C2orf80: variants seen among roughly 807,000 people sequenced by gnomAD.
The protein encoded by C2orf80 is chromosome 2 open reading frame 80.
In C2orf80, 28 loss-of-function variants were observed where a neutral mutation model predicts 30.2. That is an observed-to-expected ratio of 0.93 (90% CI 0.69 to 1.27). C2orf80 has a LOEUF of 1.27. Among genes scored for constraint, C2orf80 ranks in the 50% most tolerant of loss-of-function variants. The probability of loss-of-function intolerance (pLI) is 0.00; values close to 1 mark genes in which losing one functional copy is unlikely to be tolerated. For synonymous variants in C2orf80, 80 were observed against 76.4 expected (o/e 1.05, Z -0.24); for missense variants, 220 against 231.0 (o/e 0.95, Z 0.31).
chr2:208,180,047 C>CT (rs554516420), intron 6 of C2orf80, among the ~76,000 whole-genome samples: 1 of 151,370 alleles, frequency 6.6e-6, no homozygotes, highest in African/African-American at 2.4e-5. Flanking sequence ...GAGAATGAGC[C>CT]TTGTGGATCT....
chr2:208,168,386 G>C (rs1254944188), intron 8 of C2orf80: 1 of 322,396 alleles, frequency 3.1e-6, no homozygotes, highest in Non-Finnish European at 6.0e-6. Flanking sequence ...CATTACCCAA[G>C]AGTTGGGCCG....
At chr2:208,179,083 T>A (rs1696466675) in intron 6 of C2orf80, among the ~76,000 whole-genome samples, 1 of 152,122 alleles carries the variant, frequency 6.6e-6, no homozygotes, top group African/African-American at 2.4e-5. Context: ...TAAAAAGTTA[T>A]CTTGTCTGAC....
intron 6 of C2orf80, among the ~76,000 whole-genome samples, chr2:208,174,643 A>G (rs1696219368): frequency 6.6e-6 from 1 of 152,228 alleles, no homozygotes; most frequent in Non-Finnish European, 1.5e-5. Flanking sequence ...GAAATTGGGA[A>G]TCAGAGAGAA....
At position 208,172,023 on chromosome 2, in the gene C2orf80, G is replaced by A. The variant is rs759445868; in HGVS notation, c.419C>T (p.Thr140Ile). ...CLSLHPFAML[T>I]APKAAAYARK... ...GGCGTATGCTGCTGCTTTGGGTGCT[G>A]TTAACATGGCAAAGGGGTGCAAGGA... The change falls in exon 7 of 9, where the codon ACA becomes ATA. Residue 140 changes from threonine (T) to isoleucine (I), a missense_variant. Coordinates refer to ENST00000341287, the MANE Select transcript of C2orf80 (RefSeq NM_001099334.3). The A allele has an allele frequency of 1.9e-6, 3 of 1,614,014 alleles. No individual in the cohort carries two copies. The highest frequency in any genetic ancestry group is 2.5e-6 in the Non-Finnish European group (3 of 1,179,902).
At chr2:208,184,187 A>AC (rs1239462108) in intron 3 of C2orf80, among the ~76,000 whole-genome samples, 2 of 148,800 alleles carry the variant, frequency 1.3e-5, no homozygotes, top group Non-Finnish European at 3.0e-5. Flanking sequence ...CGCCCCCCTC[A>AC]CCCCCGCCCC....
intron 6 of C2orf80, among the ~76,000 whole-genome samples, chr2:208,175,026 T>TC (rs1195533452): frequency 1.3e-5 from 2 of 152,174 alleles, no homozygotes; most frequent in African/African-American, 4.8e-5. Flanking sequence ...CAGCCTGTAA[T>TC]CCCAGCTCTT....
intron 3 of C2orf80, among the ~76,000 whole-genome samples, chr2:208,183,691 G>T (rs1696632026): frequency 6.6e-6 from 1 of 152,172 alleles, no homozygotes; most frequent in Non-Finnish European, 1.5e-5. Flanking sequence ...TACAGATGGG[G>T]AAGGAAATCA....
intron 3 of C2orf80, 73 bp downstream of exon 3, chr2:208,184,878 A>C: frequency 7.9e-7 from 1 of 1,264,242 alleles, no homozygotes. Flanking sequence ...TATTGTATAA[A>C]TAAGATCCTT....
chr2:208,173,353 G>A (rs559002769), intron 6 of C2orf80, among the ~76,000 whole-genome samples: 60 of 152,174 alleles, frequency 3.9e-4, no homozygotes, highest in East Asian at 1.7e-3. Context: ...GGCTGGGTGT[G>A]GAGGCTCAAG....
At chr2:208,166,270 T>A (rs1190424801) in intron 8 of C2orf80, among the ~76,000 whole-genome samples, 1 of 152,008 alleles carries the variant, frequency 6.6e-6, no homozygotes, top group African/African-American at 2.4e-5. Context: ...CAGAAAAAAA[T>A]TATATATCTT....
At chr2:208,165,965 T>C (rs1695874797) in intron 8 of C2orf80, 150 bp from the exon 9 acceptor site, 2 of 556,244 alleles carry the variant, frequency 3.6e-6, no homozygotes, top group Admixed American at 7.0e-5. Flanking sequence ...AAAGGAATTT[T>C]CATGGAATTA....
chr2:208,178,554 G>A (rs557002691), intron 6 of C2orf80, among the ~76,000 whole-genome samples: 45 of 152,238 alleles, frequency 3.0e-4, no homozygotes, highest in African/African-American at 1.0e-3. Flanking sequence ...TCTGAGGAGC[G>A]TCAGGCCTGG....
intron 4 of C2orf80, 83 bp from the exon 5 acceptor site, chr2:208,181,388 G>C (rs1408341826): frequency 5.8e-6 from 5 of 864,314 alleles, no homozygotes; most frequent in Non-Finnish European, 9.8e-6. Flanking sequence ...TAATCGATAA[G>C]TAATCTGCAA....
intron 6 of C2orf80, among the ~76,000 whole-genome samples, chr2:208,179,130 C>A (rs77444948): frequency 0.033 from 4,953 of 152,222 alleles, 261 homozygotes; most frequent in African/African-American, 0.11. Flanking sequence ...TACAATTATA[C>A]TGAATGAACA....
chr2:208,183,091 T>C (rs748543517), intron 3 of C2orf80, 44 bp from the exon 4 acceptor site: 13 of 1,502,684 alleles, frequency 8.7e-6, no homozygotes, highest in African/African-American at 1.4e-5. Context: ...GGCTTAGACA[T>C]TGGCCGAAGT....
In C2orf80 at chr2:208,165,606, GTT is replaced by G. The variant is rs34111482; in HGVS notation, c.*199_*200del. The stretch of plus-strand genomic sequence containing the variant: ...CACAATGAAGTAGCATAAGGTCACA[GTT>G]TTTTTTTTTAAGAAAATGTAGCCAT... On this transcript the variant is annotated 3_prime_UTR_variant, in exon 9 of 9. Coordinates refer to ENST00000341287, the MANE Select transcript of C2orf80 (RefSeq NM_001099334.3). 1.3e-5 allele frequency: 6 copies of G among 478,248 alleles called. No individual in the cohort carries two copies. The highest frequency in any genetic ancestry group is 6.0e-5 in the African/African-American group (3 of 49,774). 29.6% of individuals were successfully genotyped at this position (478,248 alleles called of 1,614,324 possible). A position where few individuals can be genotyped will look rare whatever the true frequency, so the allele number is the denominator to read the frequency against.
At position 208,170,968 on chromosome 2, in the gene C2orf80, A is replaced by C; in HGVS notation, c.550T>G (p.Ser184Ala). ...ATEWKSSQRFSDTQPKHKVT is the reference protein window; with the variant it reads ...ATEWKSSQRFADTQPKHKVT ...ACTTTGTGCTTTGGCTGTGTGTCTG[A>C]AAACCTTTGTGATGATTTCCATTCT... Residue 184 changes from serine (S) to alanine (A), a missense_variant, in exon 8 of 9, where the codon TCA becomes GCA. By Grantham distance (99) the Ser-to-Ala change is moderately conservative. Transcript: ENST00000341287. The C allele has an allele frequency of 6.2e-7, 1 of 1,614,046 alleles. No homozygotes were observed. The highest frequency in any genetic ancestry group is 8.5e-7 in the Non-Finnish European group (1 of 1,179,912).
At chr2:208,165,873 ATTACT>A (rs1215036235) in intron 8 of C2orf80, 58 bp from the exon 9 acceptor site, 25 of 1,208,982 alleles carry the variant, frequency 2.1e-5, no homozygotes, top group Admixed American at 9.5e-5. Flanking sequence ...GGACACAGAC[ATTACT>A]TTAAGTCTAT....
intron 1 of C2orf80, among the ~76,000 whole-genome samples, chr2:208,187,965 T>A (rs900315804): frequency 9.2e-5 from 14 of 152,154 alleles, no homozygotes; most frequent in Non-Finnish European, 1.5e-4. Flanking sequence ...AACTCTTCCC[T>A]GAGTCTGCTG....
Sources: gnomAD v4.1 joint callset for allele counts (sites outside exome capture counted in the v4.1 genomes callset) on GRCh38, gnomAD v4.1.1 for gene constraint, MANE v1.5 for transcripts, NCBI Gene and HGNC (gene_info 2026-07-23, HGNC 2026-07-21) for gene names.